Variants in MFSD6 observed in about 807,000 individuals in gnomAD.
The protein encoded by MFSD6 is major facilitator superfamily domain containing 6.
In MFSD6, 26 loss-of-function variants were observed where a neutral mutation model predicts 56.3. The observed-to-expected ratio is 0.46, with a 90% CI of 0.34 to 0.64. The LOEUF is 0.64. MFSD6 is among the 30% of genes least tolerant of loss of function. MFSD6 has a pLI of 0.01. For synonymous variants in MFSD6, 331 were observed against 366.9 expected (o/e 0.90, Z 1.12); for missense variants, 750 against 986.2 (o/e 0.76, Z 3.21).
At chr2:190,477,081 C>T (rs1341588848) in intron 4 of MFSD6, 1 of 156,230 alleles carries the variant, frequency 6.4e-6, no homozygotes, top group African/African-American at 2.4e-5. Context: ...GGAGGGATAG[C>T]ATTAGGAGAT....
intron 1 of MFSD6, chr2:190,411,132 G>A (rs1368157042): frequency 1.2e-5 from 12 of 980,168 alleles, no homozygotes; most frequent in African/African-American, 3.6e-5. Flanking sequence ...GCACACATAC[G>A]CCTTTTTGTC....
At chr2:190,472,845 G>C (rs1316849864) in intron 4 of MFSD6, among the ~76,000 whole-genome samples, 1 of 152,164 alleles carries the variant, frequency 6.6e-6, no homozygotes, top group African/African-American at 2.4e-5. Context: ...AGAAAGGTCG[G>C]GTTACCCACA....
chr2:190,472,128 C>T (rs887251138), intron 4 of MFSD6, among the ~76,000 whole-genome samples: 12 of 152,126 alleles, frequency 7.9e-5, no homozygotes, highest in Non-Finnish European at 1.8e-4. Context: ...GTTAAAACCA[C>T]AAAGATGGGG....
intron 1 of MFSD6, chr2:190,411,042 G>A (rs1340413771): frequency 1.5e-5 from 13 of 877,602 alleles, no homozygotes; most frequent in East Asian, 1.2e-4. Context: ...GCAACAGAGC[G>A]AGACTCTATC....
chr2:190,493,347 A>G (rs1689474555), intron 6 of MFSD6, among the ~76,000 whole-genome samples: 1 of 152,184 alleles, frequency 6.6e-6, no homozygotes, highest in Admixed American at 6.5e-5. Context: ...TCTTCAATAT[A>G]CATACACCTA....
Position 190,461,556 on chromosome 2 carries a change from T to G in MFSD6, c.1533-8202T>G, listed in dbSNP as rs939741707. Among the ~76,000 whole-genome samples, 1 of 152,206 alleles carries G rather than the reference T, an allele frequency of 6.6e-6. No homozygotes were observed. Among genetic ancestry groups the G allele is most frequent in the Non-Finnish European group, 1.5e-5 (1 of 68,024 alleles). ...CCAAACAGTTCTGGAGGCTGGGAAG[T>G]GCAAGATCAAAGTGTTGGCAGGTTC... On this transcript the variant is annotated intron_variant, in intron 3 of 7. Coordinates refer to ENST00000392328, the MANE Select transcript of MFSD6 (RefSeq NM_017694.4). This position sits in a 1 kb window ranked among gnomAD's most constrained non-coding sequence, Gnocchi z 5.5.
In MFSD6 at chr2:190,410,060, T is replaced by C. The variant is rs1351392036; in HGVS notation, c.-176+1557T>C. On this transcript the variant is annotated intron_variant, in intron 1 of 7. Transcript: ENST00000392328. The surrounding 1 kb of genome is among the most constrained non-coding windows in gnomAD (Gnocchi z 4.4). ...ATTTCTAAGGCACTTTCCATCTCTA[T>C]ACAAATAAATATAAAAGCGTGAAGG... Among the ~76,000 whole-genome samples, 3 of 152,184 alleles carry C rather than the reference T, an allele frequency of 2.0e-5. No individual in the cohort carries two copies. Among genetic ancestry groups the C allele is most frequent in the Non-Finnish European group, 2.9e-5 (2 of 68,040 alleles).
intron 4 of MFSD6, among the ~76,000 whole-genome samples, chr2:190,475,068 A>T (rs1174263080): frequency 6.6e-6 from 1 of 152,186 alleles, no homozygotes; most frequent in Non-Finnish European, 1.5e-5. Flanking sequence ...CATATCTCAA[A>T]ATAATAAGAG....
At chr2:190,445,015 A>T (rs1686520690) in intron 3 of MFSD6, 1 of 229,042 alleles carries the variant, frequency 4.4e-6, no homozygotes, top group Non-Finnish European at 7.2e-6. Context: ...CTGAGGATAC[A>T]AGCCTGAAGT....
At chr2:190,449,052 G>A (rs1234612340) in intron 3 of MFSD6, among the ~76,000 whole-genome samples, 1 of 152,164 alleles carries the variant, frequency 6.6e-6, no homozygotes, top group Non-Finnish European at 1.5e-5. Context: ...TCCCTAATAT[G>A]CATATTGTCT....
chr2:190,436,279 T>C lies in MFSD6; in HGVS notation c.250T>C (p.Ser84Pro). Residue 84 changes from serine (S) to proline (P), a missense_variant, in exon 3 of 8, where the codon TCT becomes CCT. By Grantham distance (74) the Ser-to-Pro change is moderately conservative (BLOSUM62 -1). Coordinates refer to ENST00000392328, the MANE Select transcript of MFSD6 (RefSeq NM_017694.4). This position sits in a 1 kb window ranked among gnomAD's most constrained non-coding sequence, Gnocchi z 5.3. ...FYFFFYSAYG[S>P]LYPLLPVYYK... Reference sequence around the variant, plus strand: ...TTTTTTCTTTTACTCTGCCTATGGCTCTCTCTATCCCCTTTTGCCTGTGTA... The same window carrying C: ...TTTTTTCTTTTACTCTGCCTATGGCCCTCTCTATCCCCTTTTGCCTGTGTA... 6.2e-7 allele frequency: 1 copy of C among 1,614,030 alleles called. No individual in the cohort carries two copies. The highest frequency in any genetic ancestry group is 8.5e-7 in the Non-Finnish European group (1 of 1,179,862).
At position 190,488,005 on chromosome 2, in the gene MFSD6, C is replaced by T. The variant is rs899435275; in HGVS notation, c.1631-652C>T. 1.4e-4 allele frequency among the ~76,000 whole-genome samples: 21 copies of T among 152,112 alleles called. No individual in the cohort carries two copies. The highest frequency in any genetic ancestry group is 3.9e-4 in the African/African-American group (16 of 41,416). On this transcript the variant is annotated intron_variant, in intron 4 of 7. Coordinates refer to ENST00000392328, the MANE Select transcript of MFSD6 (RefSeq NM_017694.4). This position sits in a 1 kb window ranked among gnomAD's most constrained non-coding sequence, Gnocchi z 6.4. ...GCAACCTCTGCCTCCTGGGTTCAAACGATTCCACTGCCTCAGCCTCCCGAG... is the reference window on the plus strand; with the variant it reads ...GCAACCTCTGCCTCCTGGGTTCAAATGATTCCACTGCCTCAGCCTCCCGAG...
In MFSD6 at chr2:190,415,361, C is replaced by G. The variant is rs1463926035; in HGVS notation, c.-106C>G. ...TCCTAGCTCACTGCAGCCTTGAACC[C>G]CTGGGCTCAAGTGATTCTCCTGCCT... On this transcript the variant is annotated 5_prime_UTR_variant, in exon 2 of 8. Coordinates refer to ENST00000392328, the MANE Select transcript of MFSD6 (RefSeq NM_017694.4). The surrounding 1 kb of genome is among the most constrained non-coding windows in gnomAD (Gnocchi z 4.5). The G allele has an allele frequency of 6.6e-6, 1 of 152,094 alleles. No individual in the cohort carries two copies. The highest frequency in any genetic ancestry group is 2.4e-5 in the African/African-American group (1 of 41,394). 9.4% of individuals were successfully genotyped at this position (152,094 alleles called of 1,614,324 possible). A position where few individuals can be genotyped will look rare whatever the true frequency, so the allele number is the denominator to read the frequency against.
chr2:190,486,021 TTC>T (rs1203603264), intron 4 of MFSD6, among the ~76,000 whole-genome samples: 1 of 152,242 alleles, frequency 6.6e-6, no homozygotes, highest in African/African-American at 2.4e-5. Context: ...TGCTGGCTAT[TTC>T]TGTCTTCCTA....
rs1285270788 is a variant in MFSD6 at position 190,456,803 on chromosome 2, AC to A, written c.1533-12953del. Among the ~76,000 whole-genome samples the A allele has an allele frequency of 7.2e-5, 11 of 152,194 alleles. No individual in the cohort carries two copies. On this transcript the variant is annotated intron_variant, in intron 3 of 7. Transcript: ENST00000392328. This position sits in a 1 kb window ranked among gnomAD's most constrained non-coding sequence, Gnocchi z 5.4. ...ATCGATACCTGCAGTTTCTGTGGCTACCTCAGCAGAAATGATCTTTCAGCGC... is the reference window on the plus strand; with the variant it reads ...ATCGATACCTGCAGTTTCTGTGGCTACTCAGCAGAAATGATCTTTCAGCGC...
At chr2:190,479,518 CAATT>C (rs1292209124) in intron 4 of MFSD6, among the ~76,000 whole-genome samples, 4 of 152,020 alleles carry the variant, frequency 2.6e-5, no homozygotes, top group African/African-American at 7.2e-5. Context: ...GTACAAAGAA[CAATT>C]AAACATTCAT....
Position 190,431,259 on chromosome 2 carries a change from G to A in MFSD6, c.-53-4718G>A, listed in dbSNP as rs1685985261. On this transcript the variant is annotated intron_variant, in intron 2 of 7. Coordinates refer to ENST00000392328, the MANE Select transcript of MFSD6 (RefSeq NM_017694.4). The surrounding 1 kb of genome is among the most constrained non-coding windows in gnomAD (Gnocchi z 4.4). ...CAGAGGGGCTCCTCACCTCCCAGAG[G>A]ATGGGCGGCCAGGCAGAGACGCTCC... 2.6e-5 allele frequency among the ~76,000 whole-genome samples: 4 copies of A among 151,596 alleles called. No individual in the cohort carries two copies. In the South Asian group the frequency reaches 8.4e-4, roughly 32 times the overall value.
In MFSD6 at chr2:190,500,999, T is replaced by G. The variant is rs777336922; in HGVS notation, c.*781T>G. 2.8e-4 allele frequency: 42 copies of G among 152,190 alleles called. No homozygotes were observed. The highest frequency in any genetic ancestry group is 4.6e-4 in the Admixed American group (7 of 15,278). The allele number at this position is 152,190 out of a possible 1,614,324, so 9.4% of individuals were successfully genotyped here. A position where few individuals can be genotyped will look rare whatever the true frequency, so the allele number is the denominator to read the frequency against. On this transcript the variant is annotated 3_prime_UTR_variant, in exon 8 of 8. Coordinates refer to ENST00000392328, the MANE Select transcript of MFSD6 (RefSeq NM_017694.4). This position sits in a 1 kb window ranked among gnomAD's most constrained non-coding sequence, Gnocchi z 5.3. ...AACCAACCAACTCAGTATCCTGTGT[T>G]TTGATAGACAAGAGTTTACTAAATA... is the stretch of plus-strand genomic sequence containing the variant.
Position 190,499,256 on chromosome 2 carries a change from GTTTC to G in MFSD6, c.2173-755_2173-752del, listed in dbSNP as rs568263016. Among the ~76,000 whole-genome samples the G allele has an allele frequency of 3.5e-3, 533 of 152,302 alleles. No homozygotes were observed. The highest frequency in any genetic ancestry group is 0.012 in the African/African-American group (491 of 41,580). On this transcript the variant is annotated intron_variant, in intron 7 of 7. Coordinates refer to ENST00000392328, the MANE Select transcript of MFSD6 (RefSeq NM_017694.4). The surrounding 1 kb of genome is among the most constrained non-coding windows in gnomAD (Gnocchi z 6.0). ...TTATTCTTAGAAGTCATTATACTAA[GTTTC>G]TTTTTCTTTCATTGTAGAATCACAG... is the stretch of plus-strand genomic sequence containing the variant.
Sources: gnomAD v4.1 joint callset for allele counts (sites outside exome capture counted in the v4.1 genomes callset) on GRCh38, gnomAD v4.1.1 for gene constraint, Gnocchi (gnomAD v3.1) non-coding constraint, MANE v1.5 for transcripts, NCBI Gene and HGNC (gene_info 2026-07-23, HGNC 2026-07-21) for gene names.